PIBF1: variants seen among roughly 807,000 people sequenced by gnomAD.
The protein encoded by PIBF1 is progesterone immunomodulatory binding factor 1, also known as progesterone-induced-blocking factor 1.
In PIBF1, 90 loss-of-function variants were observed where a neutral mutation model predicts 112.5. The observed-to-expected ratio is 0.80, with a 90% confidence interval of 0.67 to 0.95. PIBF1 has a LOEUF of 0.95. Ranked by LOEUF, PIBF1 falls within the 40% of genes least tolerant of loss-of-function variation. The pLI is 0.00. For missense variants in PIBF1, 915 were observed against 852.3 expected (o/e 1.07, Z -0.92); for synonymous variants, 301 against 288.6 (o/e 1.04, Z -0.44).
At chr13:72,961,789 G>A (rs1376385628) in intron 14 of PIBF1, among the ~76,000 whole-genome samples, 1 of 151,886 alleles carries the variant, frequency 6.6e-6, no homozygotes, top group Non-Finnish European at 1.5e-5. Context: ...ATTTAGTTTT[G>A]TAGTGACATA....
intron 10 of PIBF1, among the ~76,000 whole-genome samples, chr13:72,858,615 A>G (rs1594067831): frequency 6.6e-6 from 1 of 152,206 alleles, no homozygotes; most frequent in Admixed American, 6.5e-5. Flanking sequence ...TAGGTGTTGC[A>G]TGGTTGGTGG....
chr13:73,004,920 C>T (rs1352134596), intron 17 of PIBF1, among the ~76,000 whole-genome samples: 1 of 152,192 alleles, frequency 6.6e-6, no homozygotes, highest in African/African-American at 2.4e-5. Flanking sequence ...CACTGTGGCT[C>T]ACACCTGTAA....
At chr13:72,897,520 G>C (rs1318985201) in intron 11 of PIBF1, among the ~76,000 whole-genome samples, 3 of 152,156 alleles carry the variant, frequency 2.0e-5, no homozygotes, top group Non-Finnish European at 4.4e-5. Context: ...AAAAGGTGCA[G>C]AACTACAGAA....
chr13:72,841,692 C>T (rs1240362599), intron 9 of PIBF1, among the ~76,000 whole-genome samples: 1 of 151,958 alleles, frequency 6.6e-6, no homozygotes, highest in Non-Finnish European at 1.5e-5. Context: ...ATCACCTGAG[C>T]CTGGGAGGTC....
At chr13:72,856,226 A>G (rs2038415398) in intron 10 of PIBF1, among the ~76,000 whole-genome samples, 1 of 152,184 alleles carries the variant, frequency 6.6e-6, no homozygotes, top group Admixed American at 6.5e-5. Flanking sequence ...AACTACTATT[A>G]TCATAGAATA....
chr13:72,938,560 T>A, intron 14 of PIBF1, among the ~76,000 whole-genome samples: 1 of 152,228 alleles, frequency 6.6e-6, no homozygotes, highest in East Asian at 1.9e-4. Flanking sequence ...CTGAATAATA[T>A]TCCATTTTGC....
intron 16 of PIBF1, among the ~76,000 whole-genome samples, chr13:72,986,715 GCT>G (rs1022375674): frequency 8.2e-6 from 1 of 122,026 alleles, no homozygotes; most frequent in Non-Finnish European, 1.6e-5. Context: ...ACAGAGTCTC[GCT>G]CTGTCGCCCA....
rs1316381694 is a variant in PIBF1, at chr13:72,827,914, G to A, written c.1097G>A (p.Arg366Lys). 6.5e-7 allele frequency: 1 copy of A among 1,544,078 alleles called. No homozygotes were observed. The highest frequency in any genetic ancestry group is 8.8e-7 in the Non-Finnish European group (1 of 1,141,856). Residue 366 changes from arginine to lysine, a missense_variant and splice_region_variant, in exon 8 of 18, where the codon AGA becomes AAA. Arg to Lys is a conservative substitution (Grantham distance 26, BLOSUM62 2). Coordinates refer to ENST00000326291, the MANE Select transcript of PIBF1 (RefSeq NM_006346.4). ...EEMYEKYVAS[R>K]DHYKTEYENK... ...ATGTATGAAAAATATGTAGCATCCA[G>A]GCAAGATTTGCATTATTTCCCACGT...
intron 10 of PIBF1, among the ~76,000 whole-genome samples, chr13:72,865,795 A>G (rs1459190866): frequency 6.6e-6 from 1 of 151,912 alleles, no homozygotes. Context: ...AGTAAACAGT[A>G]TATGAAGCAT....
Position 72,998,360 on chromosome 13 carries a change from C to CA in PIBF1, c.2050-461dup, listed in dbSNP as rs201390484. ...GCGTGGTGGCATGCGCCTGTAGTCC[C>CA]AGCTACTCAGGCACTGAGGCAGGAG... On this transcript the variant is annotated intron_variant, in intron 16 of 17. Transcript: ENST00000326291. Among the ~76,000 whole-genome samples, 993 of 152,194 alleles carry CA rather than the reference C, an allele frequency of 6.5e-3. 11 individuals are homozygous for CA. The highest frequency in any genetic ancestry group is 0.022 in the African/African-American group (930 of 41,528).
At chr13:72,990,384 G>A (rs2043436708) in intron 16 of PIBF1, among the ~76,000 whole-genome samples, 1 of 151,328 alleles carries the variant, frequency 6.6e-6, no homozygotes, top group South Asian at 2.1e-4. Flanking sequence ...AGCCAGGTAT[G>A]GTGGTGTGCA....
intron 17 of PIBF1, among the ~76,000 whole-genome samples, chr13:73,002,725 T>C (rs547526561): frequency 6.6e-6 from 1 of 152,250 alleles, no homozygotes; most frequent in East Asian, 1.9e-4. Context: ...GGCTCACACC[T>C]GTAATCCCAG....
chr13:72,960,884 A>G lies in PIBF1; in HGVS notation c.1834-4390A>G, dbSNP rs148228080. On this transcript the variant is annotated intron_variant, in intron 14 of 17. Transcript: ENST00000326291. ...GTGACATTGTAATATATTTTAAAGA[A>G]TAATTACCAAAGCAAAGAAAAAAAA... Among the ~76,000 whole-genome samples the G allele has an allele frequency of 7.6e-3, 1,158 of 152,262 alleles. 14 individuals carry two copies. The highest frequency in any genetic ancestry group is 0.014 in the Middle Eastern group (4 of 294).
intron 16 of PIBF1, among the ~76,000 whole-genome samples, chr13:72,983,428 C>G (rs1431150487): frequency 6.6e-6 from 1 of 152,206 alleles, no homozygotes; most frequent in South Asian, 2.1e-4. Context: ...TAATCAACCA[C>G]TCCTTACTAA....
intron 10 of PIBF1, among the ~76,000 whole-genome samples, chr13:72,865,181 T>G (rs1028330850): frequency 6.6e-6 from 1 of 152,214 alleles, no homozygotes; most frequent in East Asian, 1.9e-4. Flanking sequence ...ATATGATGTA[T>G]CCTAGATAAT....
At chr13:72,995,296 G>A (rs1216927536) in intron 16 of PIBF1, among the ~76,000 whole-genome samples, 50 of 139,148 alleles carry the variant, frequency 3.6e-4, no homozygotes, top group African/African-American at 6.6e-4. Flanking sequence ...ATGAGACTCC[G>A]TCTCAAAAAA....
At chr13:72,926,532 A>G (rs1464434952) in intron 13 of PIBF1, among the ~76,000 whole-genome samples, 1 of 152,230 alleles carries the variant, frequency 6.6e-6, no homozygotes, top group Non-Finnish European at 1.5e-5. Context: ...CATCCTGCAC[A>G]CTACTGATAG....
chr13:72,882,398 C>T (rs1036000711), intron 10 of PIBF1, among the ~76,000 whole-genome samples: 5 of 151,998 alleles, frequency 3.3e-5, no homozygotes, highest in African/African-American at 4.8e-5. Context: ...TGAGTGATAC[C>T]GCACAAGCAC....
intron 17 of PIBF1, among the ~76,000 whole-genome samples, chr13:73,000,534 G>A (rs2043826233): frequency 6.6e-6 from 1 of 152,204 alleles, no homozygotes; most frequent in Non-Finnish European, 1.5e-5. Flanking sequence ...TGCTCAGAGA[G>A]TGGGCAGAGA....
Sources: allele counts gnomAD v4.1 joint callset (sites outside exome capture counted in the v4.1 genomes callset), GRCh38; gene constraint gnomAD v4.1.1; transcripts MANE v1.5; gene names NCBI Gene and HGNC (gene_info 2026-07-23, HGNC 2026-07-21).